ASTN2: variants seen among roughly 807,000 people sequenced by gnomAD.
ASTN2 encodes the protein astrotactin 2.
A neutral mutation model predicts 139.8 loss-of-function variants in ASTN2; 54 were observed. The ratio of observed to expected loss-of-function variants is 0.39; its 90% CI spans 0.31 to 0.48. ASTN2 has a LOEUF of 0.48. Ranked by LOEUF, ASTN2 falls within the 20% of genes least tolerant of loss-of-function variation. The pLI, the probability that ASTN2 is intolerant of heterozygous loss-of-function variation, is 0.95. For missense variants in ASTN2, 1,565 were observed against 1,725.1 expected (o/e 0.91, Z 1.64); for synonymous variants, 756 against 719.5 (o/e 1.05, Z -0.81).
intron 13 of ASTN2, among the ~76,000 whole-genome samples, chr9:116,748,094 C>T (rs576121924): frequency 1.3e-5 from 2 of 152,160 alleles, no homozygotes; most frequent in African/African-American, 4.8e-5. Context: ...GGCCCTCACA[C>T]CTTGACATAA....
At chr9:117,052,416 G>A (rs1226705480) in intron 5 of ASTN2, among the ~76,000 whole-genome samples, 6 of 130,800 alleles carry the variant, frequency 4.6e-5, no homozygotes, top group South Asian at 2.4e-4. Flanking sequence ...CAGCCTGGGC[G>A]AGAGAGAGAC....
At chr9:116,597,116 C>G (rs1353141867) in intron 19 of ASTN2, among the ~76,000 whole-genome samples, 2 of 151,928 alleles carry the variant, frequency 1.3e-5, no homozygotes, top group East Asian at 3.9e-4. Flanking sequence ...TTCTTGCCTA[C>G]TAGAATGTAT....
At chr9:116,490,543 T>C (rs1849485789) in intron 19 of ASTN2, among the ~76,000 whole-genome samples, 1 of 152,158 alleles carries the variant, frequency 6.6e-6, no homozygotes, top group Admixed American at 6.5e-5. Context: ...GAAGAAATAC[T>C]TGAGACTGGG....
intron 4 of ASTN2, among the ~76,000 whole-genome samples, chr9:117,103,020 C>T (rs148575387): frequency 1.2e-3 from 190 of 152,190 alleles, no homozygotes; most frequent in African/African-American, 4.5e-3. Context: ...GAATCAAGAG[C>T]TCAGACCTCT....
At chr9:116,472,083 C>G (rs1240318211) in intron 20 of ASTN2, among the ~76,000 whole-genome samples, 3 of 152,118 alleles carry the variant, frequency 2.0e-5, no homozygotes, top group Non-Finnish European at 4.4e-5. Flanking sequence ...CTGCAGTCTC[C>G]TCTATTCTAA....
At chr9:117,197,363 G>A (rs914040750) in intron 3 of ASTN2, 21 of 152,294 alleles carry the variant, frequency 1.4e-4, no homozygotes, top group African/African-American at 5.1e-4. Context: ...TCAAGATAAT[G>A]GTCAACAATA....
rs182158076 is a variant in ASTN2 at position 116,708,849 on chromosome 9, C to T, written c.2806+16922G>A. Among the ~76,000 whole-genome samples, 6 of 152,096 alleles carry T rather than the reference C, an allele frequency of 3.9e-5. No individual in the cohort carries two copies. In the East Asian group the frequency reaches 9.6e-4, roughly 24 times the overall value. On this transcript the variant is annotated intron_variant, in intron 16 of 22. Transcript: ENST00000313400. ...AAACCCGTTTATACTATTACTTAAG[C>T]TCACTTATGAATTATAATACAGGCA...
intron 22 of ASTN2, among the ~76,000 whole-genome samples, chr9:116,433,667 T>C (rs192700712): frequency 7.2e-5 from 11 of 152,354 alleles, no homozygotes; most frequent in Admixed American, 6.5e-4. Flanking sequence ...GATGAACTTG[T>C]GCAATGAAGC....
At chr9:117,365,565 G>T (rs913067280) in intron 1 of ASTN2, among the ~76,000 whole-genome samples, 6 of 152,098 alleles carry the variant, frequency 3.9e-5, no homozygotes, top group Non-Finnish European at 1.5e-5. Flanking sequence ...GCCCTTCCTT[G>T]ACAGGTAAAT....
At chr9:116,884,869 G>A (rs945494631) in intron 10 of ASTN2, among the ~76,000 whole-genome samples, 2 of 129,538 alleles carry the variant, frequency 1.5e-5, no homozygotes, top group Non-Finnish European at 3.1e-5. Context: ...AGGCCAGACT[G>A]CAGTGGCGCT....
chr9:116,602,781 T>A (rs912044457), intron 19 of ASTN2, among the ~76,000 whole-genome samples: 1 of 151,908 alleles, frequency 6.6e-6, no homozygotes, highest in Non-Finnish European at 1.5e-5. Flanking sequence ...ATACAAAAAA[T>A]GAGCTGGGCA....
intron 7 of ASTN2, among the ~76,000 whole-genome samples, chr9:116,999,544 CTT>C (rs1314447211): frequency 1.9e-5 from 2 of 103,748 alleles, no homozygotes; most frequent in African/African-American, 4.0e-5. Flanking sequence ...TTCTTTCTCT[CTT>C]TCTTTTTTTT....
At chr9:116,678,227 T>A (rs149800835) in intron 16 of ASTN2, among the ~76,000 whole-genome samples, 6 of 152,296 alleles carry the variant, frequency 3.9e-5, no homozygotes, top group African/African-American at 1.4e-4. Context: ...TCAACTTACC[T>A]ACTTTGGGGC....
intron 4 of ASTN2, among the ~76,000 whole-genome samples, chr9:117,118,367 C>T (rs1829457018): frequency 6.6e-6 from 1 of 151,752 alleles, no homozygotes. Flanking sequence ...CCTTTTTTTC[C>T]TCTCCTAGAG....
intron 3 of ASTN2, among the ~76,000 whole-genome samples, chr9:117,147,440 C>A (rs1588015913): frequency 6.7e-6 from 1 of 149,822 alleles, no homozygotes; most frequent in Admixed American, 6.6e-5. Flanking sequence ...TGACTCAAAA[C>A]ACACACACAC....
intron 1 of ASTN2, among the ~76,000 whole-genome samples, chr9:117,399,321 T>G (rs970997493): frequency 2.0e-5 from 3 of 152,180 alleles, no homozygotes; most frequent in African/African-American, 4.8e-5. Flanking sequence ...TGAGGGAATA[T>G]TCACGCTGGA....
chr9:116,588,180 A>T (rs1414493934), intron 19 of ASTN2, among the ~76,000 whole-genome samples: 2 of 152,216 alleles, frequency 1.3e-5, no homozygotes, highest in African/African-American at 4.8e-5. Context: ...GACACTGGTC[A>T]TTGAAAACCC....
chr9:116,682,105 A>T (rs2132023545), intron 16 of ASTN2, among the ~76,000 whole-genome samples: 1 of 152,072 alleles, frequency 6.6e-6, no homozygotes, highest in African/African-American at 2.4e-5. Context: ...AAAATGGGAG[A>T]AAATTTTCGC....
At position 116,639,816 on chromosome 9, in the gene ASTN2, A is replaced by G. The variant is rs552351406; in HGVS notation, c.3072+11712T>C. 3.9e-5 allele frequency among the ~76,000 whole-genome samples: 6 copies of G among 152,324 alleles called. No individual in the cohort carries two copies. In the South Asian group the frequency reaches 1.2e-3, roughly 32 times the overall value. ...GTTTCCTTATCTAAAAAATGAAGAT[A>G]AACAGTGCTACCTTCATGCTTCTAT... On this transcript the variant is annotated intron_variant, in intron 17 of 22. Coordinates refer to ENST00000313400, the MANE Select transcript of ASTN2 (RefSeq NM_001365068.1).
Sources: allele counts gnomAD v4.1 joint callset (sites outside exome capture counted in the v4.1 genomes callset), GRCh38; gene constraint gnomAD v4.1.1; transcripts MANE v1.5; gene names NCBI Gene and HGNC (gene_info 2026-07-23, HGNC 2026-07-21).